The following ARFIP1 variants were observed in gnomAD, a reference collection of about 807,000 sequenced individuals.
ARFIP1 encodes ARF interacting protein 1.
ARFIP1 carries 24 observed loss-of-function variants against 42.5 expected under a neutral mutation model. That is an observed-to-expected ratio of 0.57 (90% CI 0.41 to 0.80). The LOEUF (loss-of-function observed/expected upper bound fraction) is 0.80. Among genes scored for constraint, ARFIP1 ranks in the 30% least tolerant of loss-of-function variants. The pLI is 0.00. For missense variants in ARFIP1, 354 were observed against 434.0 expected (o/e 0.82, Z 1.64); for synonymous variants, 141 against 153.7 (o/e 0.92, Z 0.61).
At chr4:152,816,696 A>G (rs1729916130) in intron 1 of ARFIP1, among the ~76,000 whole-genome samples, 2 of 152,278 alleles carry the variant, frequency 1.3e-5, no homozygotes, top group South Asian at 4.1e-4. Flanking sequence ...TTCACAAAAC[A>G]TCACAAAATA....
chr4:152,811,083 G>A (rs1729417645), intron 1 of ARFIP1, among the ~76,000 whole-genome samples: 1 of 134,496 alleles, frequency 7.4e-6, no homozygotes, highest in South Asian at 2.4e-4. Context: ...ACATGCTAAG[G>A]TTAAGCCTTT....
chr4:152,868,589 T>G (rs1734606187), intron 3 of ARFIP1, among the ~76,000 whole-genome samples: 1 of 152,178 alleles, frequency 6.6e-6, no homozygotes, highest in Non-Finnish European at 1.5e-5. Flanking sequence ...TTACATATCA[T>G]TTGTTATATA....
chr4:152,806,435 G>A (rs1316924962), intron 1 of ARFIP1, among the ~76,000 whole-genome samples: 1 of 152,138 alleles, frequency 6.6e-6, no homozygotes. Context: ...GTTGCTCTCT[G>A]GGTGGATTGG....
At chr4:152,802,493 T>A (rs1354578664) in intron 1 of ARFIP1, among the ~76,000 whole-genome samples, 1 of 152,218 alleles carries the variant, frequency 6.6e-6, no homozygotes, top group South Asian at 2.1e-4. Context: ...TATTTCACAG[T>A]ACTTTTTATT....
intron 1 of ARFIP1, among the ~76,000 whole-genome samples, chr4:152,782,594 A>T (rs935876455): frequency 6.6e-6 from 1 of 151,692 alleles, no homozygotes; most frequent in Admixed American, 6.6e-5. Context: ...CATTTTCTTA[A>T]TTTTTTTTGC....
At chr4:152,839,561 G>A (rs1731901946) in intron 2 of ARFIP1, among the ~76,000 whole-genome samples, 2 of 152,120 alleles carry the variant, frequency 1.3e-5, no homozygotes, top group Admixed American at 6.5e-5. Flanking sequence ...TCTAGTTTAT[G>A]TGTGTAAAGG....
At position 152,910,214 on chromosome 4, in the gene ARFIP1, C is replaced by T; in HGVS notation, c.1117C>T (p.Gln373Ter). ...GVDAPSWLEE[Q>*] ...GGATGCCCCATCTTGGCTTGAAGAACAGTAAAATCACAGCGGAAAATAAAA... is the reference window on the plus strand; with the variant it reads ...GGATGCCCCATCTTGGCTTGAAGAATAGTAAAATCACAGCGGAAAATAAAA... The change falls in exon 9 of 9, where the codon CAG (glutamine) becomes TAG (stop). Residue 373 changes from glutamine (Q) to a stop codon, truncating the protein, a stop_gained. Transcript: ENST00000353617. LOFTEE classifies it high-confidence loss of function. 1 of 1,609,130 alleles carries T rather than the reference C, an allele frequency of 6.2e-7. No homozygotes were observed. The highest frequency in any genetic ancestry group is 8.5e-7 in the Non-Finnish European group (1 of 1,178,536).
At chr4:152,790,394 CT>C (rs1424918582) in intron 1 of ARFIP1, among the ~76,000 whole-genome samples, 2 of 152,204 alleles carry the variant, frequency 1.3e-5, no homozygotes, top group African/African-American at 4.8e-5. Flanking sequence ...TGTTCTGGAA[CT>C]GAGCCATCTA....
Position 152,910,206 on chromosome 4 carries a change from T to C in ARFIP1, c.1109T>C (p.Leu370Pro), listed in dbSNP as rs202078437. 1 of 1,612,104 alleles carries C rather than the reference T, an allele frequency of 6.2e-7. No individual in the cohort carries two copies. The highest frequency in any genetic ancestry group is 1.3e-5 in the African/African-American group (1 of 74,904). Reference protein sequence around the residue: ...KTPGVDAPSWLEEQ With the variant: ...KTPGVDAPSWPEEQ ...CCTGGAGTGGATGCCCCATCTTGGC[T>C]TGAAGAACAGTAAAATCACAGCGGA... The change falls in exon 9 of 9, where the codon CTT becomes CCT. Residue 370 changes from leucine (L) to proline (P), a missense_variant. Physicochemically the swap from Leu to Pro is moderately conservative, Grantham distance 98. Coordinates refer to ENST00000353617, the MANE Select transcript of ARFIP1 (RefSeq NM_001025595.3).
intron 2 of ARFIP1, among the ~76,000 whole-genome samples, chr4:152,844,940 C>CA (rs1732414233): frequency 6.6e-6 from 1 of 152,070 alleles, no homozygotes; most frequent in African/African-American, 2.4e-5. Context: ...AGGCTGGAGG[C>CA]ATCACATTTT....
intron 2 of ARFIP1, among the ~76,000 whole-genome samples, chr4:152,860,802 T>C (rs1733829885): frequency 6.6e-6 from 1 of 152,168 alleles, no homozygotes; most frequent in Non-Finnish European, 1.5e-5. Context: ...GATTTAAGAT[T>C]GAATGGATAA....
rs747709741 is a variant in ARFIP1 at position 152,882,792 on chromosome 4, A to G, written c.703A>G (p.Ile235Val). ...AKNGETLLGA[I>V]NFFIASVNTL... ...AAATGGAGAGACTCTTCTTGGGGCC[A>G]TTAATTTTTTCATTGCTAGTGTGAA... The change falls in exon 7 of 9, where the codon ATT (isoleucine) becomes GTT (valine). Residue 235 changes from isoleucine (I) to valine (V), a missense_variant. Ile to Val is a conservative substitution (Grantham distance 29). Coordinates refer to ENST00000353617, the MANE Select transcript of ARFIP1 (RefSeq NM_001025595.3). 1.5e-5 allele frequency: 25 copies of G among 1,613,128 alleles called. No homozygotes were observed. The Admixed American group carries it at 2.2e-4, about 14-fold the overall frequency.
intron 1 of ARFIP1, among the ~76,000 whole-genome samples, chr4:152,792,893 A>C (rs1731218924): frequency 6.6e-6 from 1 of 152,206 alleles, no homozygotes; most frequent in African/African-American, 2.4e-5. Flanking sequence ...ACAAATTCTA[A>C]TTAATAATTC....
intron 1 of ARFIP1, among the ~76,000 whole-genome samples, chr4:152,811,269 T>A (rs930747680): frequency 2.0e-5 from 3 of 152,122 alleles, no homozygotes; most frequent in African/African-American, 7.2e-5. Flanking sequence ...ATATGTTTCT[T>A]AATATTATAG....
intron 3 of ARFIP1, among the ~76,000 whole-genome samples, chr4:152,866,694 C>A (rs1395880392): frequency 3.9e-5 from 6 of 152,028 alleles, no homozygotes; most frequent in Non-Finnish European, 7.4e-5. Context: ...CTCCTCACTT[C>A]CCAGACGGGG....
intron 5 of ARFIP1, among the ~76,000 whole-genome samples, chr4:152,873,967 G>C (rs773697854): frequency 3.3e-5 from 5 of 152,030 alleles, no homozygotes; most frequent in Non-Finnish European, 7.4e-5. Flanking sequence ...TCATACTTCT[G>C]TAACTTTGTT....
chr4:152,858,531 A>C (rs1450564868), intron 2 of ARFIP1, among the ~76,000 whole-genome samples: 1 of 152,248 alleles, frequency 6.6e-6, no homozygotes, highest in Non-Finnish European at 1.5e-5. Context: ...AAGAATAAGC[A>C]AATATACATT....
chr4:152,856,194 C>G (rs1289731358), intron 2 of ARFIP1, among the ~76,000 whole-genome samples: 1 of 152,196 alleles, frequency 6.6e-6, no homozygotes, highest in Non-Finnish European at 1.5e-5. Flanking sequence ...CTTAGCTCCC[C>G]TCCTCTCAGA....
chr4:152,823,256 A>G (rs1730535487), intron 1 of ARFIP1, among the ~76,000 whole-genome samples: 2 of 152,220 alleles, frequency 1.3e-5, no homozygotes. Context: ...ATTCGAGACT[A>G]CTGTGGACAC....
Sources: gnomAD v4.1 joint callset for allele counts (sites outside exome capture counted in the v4.1 genomes callset) on GRCh38, gnomAD v4.1.1 for gene constraint, MANE v1.5 for transcripts, NCBI Gene and HGNC (gene_info 2026-07-23, HGNC 2026-07-21) for gene names.